CDC14A: variants seen among roughly 807,000 people sequenced by gnomAD.
The protein encoded by CDC14A is cell division cycle 14A.
A neutral mutation model predicts 74.4 loss-of-function variants in CDC14A; 53 were observed. The observed-to-expected ratio is 0.71, with a 90% confidence interval of 0.57 to 0.89. The LOEUF (loss-of-function observed/expected upper bound fraction) is 0.89. CDC14A is among the 40% of genes least tolerant of loss of function. The pLI is 0.00. For synonymous variants in CDC14A, 247 were observed against 258.4 expected, an observed-to-expected ratio of 0.96 and a Z score of 0.43; for missense variants, 646 against 713.7, an observed-to-expected ratio of 0.91 and a Z score of 1.08.
intron 2 of CDC14A, among the ~76,000 whole-genome samples, chr1:100,375,937 G>T (rs911978922): frequency 5.9e-5 from 9 of 152,122 alleles, no homozygotes; most frequent in African/African-American, 1.9e-4. Flanking sequence ...AGAAAATGTG[G>T]CACGTATACA....
chr1:100,504,339 T>C (rs1649048392), intron 15 of CDC14A, among the ~76,000 whole-genome samples: 1 of 152,214 alleles, frequency 6.6e-6, no homozygotes, highest in Non-Finnish European at 1.5e-5. Flanking sequence ...GAATTTTTCC[T>C]TTCTTCTCCA....
chr1:100,368,539 T>G (rs1420793925), intron 2 of CDC14A, among the ~76,000 whole-genome samples: 1 of 152,220 alleles, frequency 6.6e-6, no homozygotes, highest in African/African-American at 2.4e-5. Flanking sequence ...TGAAGTTGGA[T>G]TGTAATGGTT....
At chr1:100,412,728 T>TATATATATATATATATATATA (rs1557732405) in intron 4 of CDC14A, among the ~76,000 whole-genome samples, 1 of 98,238 alleles carries the variant, frequency 1.0e-5, no homozygotes, top group Admixed American at 9.9e-5. Flanking sequence ...ATATATTTTA[T>TATATATATATATATATATATA]ATATATATAT....
At chr1:100,410,563 T>C (rs562163931) in intron 4 of CDC14A, among the ~76,000 whole-genome samples, 242 of 152,276 alleles carry the variant, frequency 1.6e-3, no homozygotes, top group African/African-American at 5.7e-3. Flanking sequence ...CGTGATTGCC[T>C]GCCTCGGCCT....
At chr1:100,389,749 T>C (rs774854478) in intron 3 of CDC14A, among the ~76,000 whole-genome samples, 9 of 152,260 alleles carry the variant, frequency 5.9e-5, no homozygotes, top group Admixed American at 3.9e-4. Context: ...ATGTATAAGA[T>C]AGAAAAAGCT....
At position 100,352,899 on chromosome 1, in the gene CDC14A, G is replaced by T. The variant is rs1557671790; in HGVS notation, c.-56G>T. 1 of 1,612,064 alleles carries T rather than the reference G, an allele frequency of 6.2e-7. No homozygotes were observed. Among genetic ancestry groups the T allele is most frequent in the Non-Finnish European group, 8.5e-7 (1 of 1,179,694 alleles). ...CTGGGCAGTGGGGAAGCCCCCGGGG[G>T]CGAGTGACTTCAGCTGGCCACGACC... is the stretch of plus-strand genomic sequence containing the variant. On this transcript the variant is annotated 5_prime_UTR_variant, in exon 1 of 16. Coordinates refer to ENST00000336454, the MANE Select transcript of CDC14A (RefSeq NM_003672.4).
At chr1:100,497,271 T>A (rs1011464729) in intron 13 of CDC14A, among the ~76,000 whole-genome samples, 2 of 151,938 alleles carry the variant, frequency 1.3e-5, no homozygotes, top group African/African-American at 4.8e-5. Context: ...GGGAAGGAGA[T>A]GAGAAAATGC....
At chr1:100,493,575 GACTCTA>G (rs1254948742) in intron 11 of CDC14A, among the ~76,000 whole-genome samples, 1 of 152,216 alleles carries the variant, frequency 6.6e-6, no homozygotes, top group Non-Finnish European at 1.5e-5. Context: ...TGCAACTTGA[GACTCTA>G]AGAGAATCCT....
At chr1:100,356,371 A>T (rs1651880073) in intron 2 of CDC14A, among the ~76,000 whole-genome samples, 1 of 152,162 alleles carries the variant, frequency 6.6e-6, no homozygotes, top group South Asian at 2.1e-4. Flanking sequence ...TGAGACAGGC[A>T]CTATTATCCT....
At chr1:100,482,503 T>G (rs1417235044) in intron 10 of CDC14A, among the ~76,000 whole-genome samples, 2 of 152,180 alleles carry the variant, frequency 1.3e-5, no homozygotes, top group East Asian at 3.8e-4. Flanking sequence ...GGGGAACTTC[T>G]TTTTGATTCC....
intron 7 of CDC14A, among the ~76,000 whole-genome samples, chr1:100,452,551 T>G (rs547074662): frequency 6.6e-6 from 1 of 152,310 alleles, no homozygotes; most frequent in African/African-American, 2.4e-5. Context: ...TGTTTTTTAG[T>G]CAAATTATAT....
chr1:100,434,777 C>T (rs1228295617), intron 5 of CDC14A, among the ~76,000 whole-genome samples: 1 of 151,640 alleles, frequency 6.6e-6, no homozygotes, highest in Admixed American at 6.6e-5. Flanking sequence ...ATTCTTCTTA[C>T]ATAGTGAGTT....
At chr1:100,404,674 C>A (rs1389933581) in intron 4 of CDC14A, among the ~76,000 whole-genome samples, 1 of 151,870 alleles carries the variant, frequency 6.6e-6, no homozygotes, top group East Asian at 1.9e-4. Flanking sequence ...ACTAAAAATA[C>A]AAAAAATTAG....
chr1:100,366,001 A>G (rs1230886711), intron 2 of CDC14A, among the ~76,000 whole-genome samples: 1 of 150,624 alleles, frequency 6.6e-6, no homozygotes, highest in Non-Finnish European at 1.5e-5. Flanking sequence ...TTTGGAGGAT[A>G]CTGCTATTTT....
intron 4 of CDC14A, chr1:100,423,955 G>A: frequency 5.2e-6 from 2 of 386,966 alleles, no homozygotes; most frequent in Non-Finnish European, 4.9e-6. Context: ...CTGCCATTGT[G>A]TCTGTTCAGT....
chr1:100,487,156 A>G (rs546471814), intron 11 of CDC14A, among the ~76,000 whole-genome samples: 2 of 152,254 alleles, frequency 1.3e-5, no homozygotes, highest in South Asian at 4.1e-4. Flanking sequence ...TTTTAAAAAA[A>G]AGATTAAAAG....
chr1:100,455,984 G>A (rs928267662), intron 8 of CDC14A, among the ~76,000 whole-genome samples: 1 of 152,196 alleles, frequency 6.6e-6, no homozygotes, highest in Admixed American at 6.5e-5. Flanking sequence ...ATGAGATACA[G>A]ATATTGTTAT....
chr1:100,448,704 T>C (rs1378641151), intron 7 of CDC14A, among the ~76,000 whole-genome samples: 1 of 152,232 alleles, frequency 6.6e-6, no homozygotes, highest in Non-Finnish European at 1.5e-5. Flanking sequence ...CATTTCTTAT[T>C]TGAAAGTCAA....
At chr1:100,446,387 G>T (rs1282018546) in intron 7 of CDC14A, among the ~76,000 whole-genome samples, 1 of 152,200 alleles carries the variant, frequency 6.6e-6, no homozygotes, top group Non-Finnish European at 1.5e-5. Context: ...GAGGTCAACA[G>T]AATGTGGGAA....
Sources: gnomAD v4.1 joint callset for allele counts (sites outside exome capture counted in the v4.1 genomes callset) on GRCh38, gnomAD v4.1.1 for gene constraint, MANE v1.5 for transcripts, NCBI Gene and HGNC (gene_info 2026-07-23, HGNC 2026-07-21) for gene names.